The following PDE4D variants were observed in gnomAD, a reference collection of about 807,000 sequenced individuals.
The protein encoded by PDE4D is 3',5'-cyclic-AMP phosphodiesterase 4D.
Under a neutral mutation model 87.4 loss-of-function variants are expected in PDE4D, and 24 were observed. The ratio of observed to expected loss-of-function variants is 0.27; its 90% CI spans 0.20 to 0.39. The LOEUF is 0.39. Ranked by LOEUF, PDE4D falls within the 10% of genes least tolerant of loss-of-function variation. PDE4D has a pLI of 1.00. For synonymous variants in PDE4D, 384 were observed against 383.2 expected (o/e 1.00, Z -0.02); for missense variants, 714 against 1,041.0 (o/e 0.69, Z 4.32).
chr5:59,113,812 A>G lies in PDE4D; in HGVS notation c.808+66783T>C, dbSNP rs192319063. Among the ~76,000 whole-genome samples, 38 of 152,308 alleles carry G rather than the reference A, an allele frequency of 2.5e-4. No homozygotes were observed. The East Asian group carries it at 6.4e-3, about 25-fold the overall frequency. On this transcript the variant is annotated intron_variant, in intron 5 of 14. Coordinates refer to ENST00000340635, the MANE Select transcript of PDE4D (RefSeq NM_001104631.2). The stretch of plus-strand genomic sequence containing the variant: ...TTTCCACAACTATGAAATAAGAACA[A>G]TAATGTATCCAATCTCACAGATTTG...
At chr5:59,644,204 A>G in intron 1 of PDE4D, among the ~76,000 whole-genome samples, 1 of 152,204 alleles carries the variant, frequency 6.6e-6, no homozygotes, top group East Asian at 1.9e-4. Context: ...GTCAGTGGGA[A>G]AAATGTATCT....
chr5:59,351,647 G>A (rs1230516397), intron 1 of PDE4D, among the ~76,000 whole-genome samples: 3 of 152,080 alleles, frequency 2.0e-5, no homozygotes, highest in Admixed American at 6.6e-5. Flanking sequence ...GGGGGCAGAA[G>A]CAGACAATAT....
chr5:59,504,796 T>C (rs903305624), intron 1 of PDE4D, among the ~76,000 whole-genome samples: 13 of 152,114 alleles, frequency 8.5e-5, no homozygotes, highest in Admixed American at 7.2e-4. Context: ...CCCCCTGCTC[T>C]CTCAAGCTAC....
At chr5:60,393,683 C>T (rs1290381640) in intron 1 of PDE4D, among the ~76,000 whole-genome samples, 2 of 152,190 alleles carry the variant, frequency 1.3e-5, no homozygotes, top group Non-Finnish European at 1.5e-5. Context: ...CAGCAAATAT[C>T]CCTGGATTCA....
chr5:60,379,172 A>G (rs1255114889), intron 1 of PDE4D, among the ~76,000 whole-genome samples: 1 of 144,670 alleles, frequency 6.9e-6, no homozygotes, highest in African/African-American at 2.6e-5. Context: ...AGCAGTTTTT[A>G]AAACTGTAAC....
chr5:60,502,658 C>G (rs188947359), intron 1 of PDE4D, among the ~76,000 whole-genome samples: 1 of 152,228 alleles, frequency 6.6e-6, no homozygotes, highest in Admixed American at 6.5e-5. Flanking sequence ...TGTGCTGATC[C>G]AGAACTGAAA....
chr5:59,005,024 T>C (rs140737035), intron 6 of PDE4D, among the ~76,000 whole-genome samples: 1 of 152,244 alleles, frequency 6.6e-6, no homozygotes, highest in African/African-American at 2.4e-5. Context: ...ACAAAAAGAT[T>C]GTTGGCTGAT....
intron 1 of PDE4D, among the ~76,000 whole-genome samples, chr5:60,344,548 C>T (rs191507197): frequency 3.5e-4 from 53 of 152,236 alleles, no homozygotes; most frequent in Admixed American, 2.8e-3. Context: ...AGTACTCTTT[C>T]CACAAAACAT....
chr5:60,233,883 A>C (rs1746106312), intron 1 of PDE4D, among the ~76,000 whole-genome samples: 1 of 151,836 alleles, frequency 6.6e-6, no homozygotes, highest in Non-Finnish European at 1.5e-5. Context: ...ACTCTGACCC[A>C]AGTTGATGAT....
At chr5:59,837,730 T>A (rs772150387) in intron 1 of PDE4D, among the ~76,000 whole-genome samples, 1 of 152,046 alleles carries the variant, frequency 6.6e-6, no homozygotes, top group Non-Finnish European at 1.5e-5. Context: ...AAAATACTGT[T>A]TTTGTGCCCA....
intron 1 of PDE4D, among the ~76,000 whole-genome samples, chr5:59,626,513 G>T (rs1444407900): frequency 6.6e-6 from 1 of 152,180 alleles, no homozygotes; most frequent in African/African-American, 2.4e-5. Context: ...ATTCTATTAT[G>T]TAATTTTAGT....
At chr5:59,219,762 C>T (rs974601729) in intron 1 of PDE4D, among the ~76,000 whole-genome samples, 4 of 152,022 alleles carry the variant, frequency 2.6e-5, no homozygotes, top group Admixed American at 1.3e-4. Context: ...ATTATATAGG[C>T]AATCAGACTA....
In PDE4D at chr5:58,989,778, G is replaced by C; in HGVS notation, c.1429C>G (p.Leu477Val). 6.2e-7 allele frequency: 1 copy of C among 1,607,856 alleles called. No individual in the cohort carries two copies. The highest frequency in any genetic ancestry group is 8.5e-7 in the Non-Finnish European group (1 of 1,177,630). ...AADVVQSTHVLLSTPALEAVF... is the reference protein window; with the variant it reads ...AADVVQSTHVVLSTPALEAVF... ...ACCTCCAAAGCAGGTGTAGATAATA[G>C]CACATGAGTAGACTGGACAACATCT... The change falls in exon 10 of 15, where the codon CTA becomes GTA. Residue 477 changes from leucine (L) to valine (V), a missense_variant. Leu to Val is a conservative substitution (Grantham distance 32, BLOSUM62 1). This residue lies in a region of PDE4D where 141 missense variants were observed against 204.3 expected (regional missense o/e 0.69). Transcript: ENST00000340635.
intron 1 of PDE4D, chr5:59,587,453 T>C: frequency 1.0e-6 from 1 of 985,374 alleles, no homozygotes; most frequent in South Asian, 4.7e-5. Flanking sequence ...TATACAGACC[T>C]TGCATGCTTT....
intron 1 of PDE4D, among the ~76,000 whole-genome samples, chr5:59,365,350 T>C (rs1724572595): frequency 6.6e-6 from 1 of 151,884 alleles, no homozygotes; most frequent in African/African-American, 2.4e-5. Context: ...TCCTAGCTAC[T>C]TGGGAGGCCG....
chr5:59,650,788 A>G (rs889762438), intron 1 of PDE4D, among the ~76,000 whole-genome samples: 3 of 152,068 alleles, frequency 2.0e-5, no homozygotes, highest in Non-Finnish European at 4.4e-5. Flanking sequence ...TCATATATCT[A>G]TGCACTCACT....
intron 1 of PDE4D, among the ~76,000 whole-genome samples, chr5:59,861,599 C>G (rs772355208): frequency 6.6e-6 from 1 of 152,190 alleles, no homozygotes; most frequent in Non-Finnish European, 1.5e-5. Context: ...GAGTAGCGCT[C>G]TACTTTTCAG....
intron 1 of PDE4D, among the ~76,000 whole-genome samples, chr5:59,640,369 G>A (rs1306713058): frequency 6.6e-6 from 1 of 152,174 alleles, no homozygotes; most frequent in Non-Finnish European, 1.5e-5. Context: ...GCTGCATTAA[G>A]TCAATCAATC....
chr5:60,303,331 G>C (rs1047326819), intron 1 of PDE4D, among the ~76,000 whole-genome samples: 2 of 139,108 alleles, frequency 1.4e-5, no homozygotes, highest in Middle Eastern at 8.1e-3. Context: ...TTTTTGAGAC[G>C]GGAGTTTCCC....
Sources: gnomAD v4.1 joint callset for allele counts (sites outside exome capture counted in the v4.1 genomes callset) on GRCh38, gnomAD v4.1.1 for gene constraint, gnomAD v4.1.1 regional missense constraint, MANE v1.5 for transcripts, NCBI Gene and HGNC (gene_info 2026-07-23, HGNC 2026-07-21) for gene names.